The following TANC1 variants were observed in gnomAD, a reference collection of about 807,000 sequenced individuals.
TANC1 encodes protein TANC1.
A neutral mutation model predicts 149.7 loss-of-function variants in TANC1; 77 were observed. The observed-to-expected ratio is 0.51, with a 90% CI of 0.43 to 0.62. The LOEUF (loss-of-function observed/expected upper bound fraction) is 0.62, where lower values mean the gene tolerates loss of function less well. TANC1 is among the 20% of genes least tolerant of loss of function. The pLI, the probability that TANC1 is intolerant of heterozygous loss-of-function variation, is 0.00. For missense variants in TANC1, 1,985 were observed against 2,321.8 expected, an observed-to-expected ratio of 0.85 and a Z score of 2.98; for synonymous variants, 854 against 925.0, an observed-to-expected ratio of 0.92 and a Z score of 1.39.
chr2:158,975,039 A>AC (rs1261035562), intron 1 of TANC1, among the ~76,000 whole-genome samples: 9 of 149,668 alleles, frequency 6.0e-5, no homozygotes, highest in Admixed American at 2.7e-4. Context: ...GCATGAGCCA[A>AC]CCCCCCAGTC....
Position 159,163,914 on chromosome 2 carries a change from C to T in TANC1, c.946+368C>T, listed in dbSNP as rs11898854. ...TTGAGTGAGTTTGTTAATATCAGCTCGAGGATCTTCTTACCAAACTTACAA... is the reference window on the plus strand; with the variant it reads ...TTGAGTGAGTTTGTTAATATCAGCTTGAGGATCTTCTTACCAAACTTACAA... On this transcript the variant is annotated intron_variant, in intron 8 of 26. Transcript: ENST00000263635. Among the ~76,000 whole-genome samples the T allele has an allele frequency of 5.7e-3, 860 of 152,178 alleles. 8 individuals carry two copies. The highest frequency in any genetic ancestry group is 0.02 in the African/African-American group (813 of 41,504).
chr2:159,056,404 C>T (rs1251907219), intron 2 of TANC1: 8 of 153,620 alleles, frequency 5.2e-5, no homozygotes, highest in Non-Finnish European at 1.0e-4. Flanking sequence ...CTCCGCCTCC[C>T]GGGTTCAAGC....
At chr2:159,040,296 A>T (rs528266361) in intron 2 of TANC1, among the ~76,000 whole-genome samples, 166 of 152,122 alleles carry the variant, frequency 1.1e-3, no homozygotes, top group African/African-American at 3.5e-3. Context: ...CTGAATTTGA[A>T]TGTTGGCGTG....
chr2:159,026,539 A>G (rs529672952), intron 2 of TANC1, among the ~76,000 whole-genome samples: 1 of 152,310 alleles, frequency 6.6e-6, no homozygotes, highest in Non-Finnish European at 1.5e-5. Context: ...AGCAATTTAT[A>G]AAGAAAATTT....
chr2:158,997,326 G>C (rs1376777179), intron 1 of TANC1, among the ~76,000 whole-genome samples: 1 of 152,204 alleles, frequency 6.6e-6, no homozygotes, highest in Non-Finnish European at 1.5e-5. Flanking sequence ...AGGAAAGCTA[G>C]AACGAACCTT....
At chr2:159,178,509 A>G in intron 13 of TANC1, 47 bp from the exon 14 acceptor site, 1 of 1,509,962 alleles carries the variant, frequency 6.6e-7, no homozygotes, top group Non-Finnish European at 8.8e-7. Flanking sequence ...AAAATAAAAA[A>G]GGAATCTCTT....
chr2:159,031,509 G>A (rs1439104247), intron 2 of TANC1, among the ~76,000 whole-genome samples: 1 of 152,180 alleles, frequency 6.6e-6, no homozygotes, highest in Non-Finnish European at 1.5e-5. Context: ...GGAAGTGGAT[G>A]TAGTTTTAAA....
At chr2:159,218,729 T>C (rs747011227) in intron 20 of TANC1, among the ~76,000 whole-genome samples, 5 of 152,222 alleles carry the variant, frequency 3.3e-5, no homozygotes, top group Non-Finnish European at 5.9e-5. Flanking sequence ...TTGCTAAAAG[T>C]TGCCTTCCCC....
intron 21 of TANC1, 37 bp from the exon 22 acceptor site, chr2:159,219,654 CA>C: frequency 6.2e-7 from 1 of 1,612,908 alleles, no homozygotes; most frequent in South Asian, 1.1e-5. Context: ...TTTGTCATCT[CA>C]TAATGTTCAT....
intron 2 of TANC1, among the ~76,000 whole-genome samples, chr2:159,025,350 C>G (rs2039247472): frequency 6.6e-6 from 1 of 151,662 alleles, no homozygotes; most frequent in South Asian, 2.1e-4. Context: ...CTAAGCAATA[C>G]AATGTTGTTA....
intron 5 of TANC1, among the ~76,000 whole-genome samples, chr2:159,136,788 CA>C (rs34488237): frequency 0.19 from 22,356 of 118,768 alleles, 1,078 homozygotes; most frequent in Middle Eastern, 0.24. Context: ...GAAGTAGGAG[CA>C]AAAAAAAAAA....
At position 159,149,235 on chromosome 2, in the gene TANC1, C is replaced by CCA; in HGVS notation, c.465_466dup (p.Ile156ThrfsTer2). ...TTACTGGGAGAAGGGATCCCAAGTG[C>CCA]CACACACATAACCATTGAAGACAAA... On this transcript the variant is annotated frameshift_variant, in exon 6 of 27. Coordinates refer to ENST00000263635, the MANE Select transcript of TANC1 (RefSeq NM_033394.3). LOFTEE classifies it high-confidence loss of function. 1 of 1,614,138 alleles carries CCA rather than the reference C, an allele frequency of 6.2e-7. No individual in the cohort carries two copies.
chr2:159,139,929 A>G (rs371356597), intron 5 of TANC1, among the ~76,000 whole-genome samples: 1 of 152,156 alleles, frequency 6.6e-6, no homozygotes, highest in Non-Finnish European at 1.5e-5. Flanking sequence ...AAAGAGGTAT[A>G]AAGCATAAAG....
In TANC1 at chr2:159,219,162, T is replaced by G. The variant is rs2059531532; in HGVS notation, c.3379-76T>G. On this transcript the variant is annotated intron_variant, in intron 20 of 26. Coordinates refer to ENST00000263635, the MANE Select transcript of TANC1 (RefSeq NM_033394.3). ...AAGTCATTTGACTATTTTTAAAGGT[T>G]GAGAAACCTGCCTGGGTATAGCAGG... 2.5e-6 allele frequency: 4 copies of G among 1,583,860 alleles called. No individual in the cohort carries two copies. The African/African-American group carries it at 5.4e-5, about 21-fold the overall frequency.
intron 1 of TANC1, among the ~76,000 whole-genome samples, chr2:158,990,392 G>A (rs2035497339): frequency 6.6e-6 from 1 of 152,198 alleles, no homozygotes; most frequent in South Asian, 2.1e-4. Context: ...ATAAGATGTG[G>A]TTTCTATCCT....
chr2:159,211,611 G>T (rs2058985828), intron 19 of TANC1, among the ~76,000 whole-genome samples: 1 of 152,166 alleles, frequency 6.6e-6, no homozygotes, highest in African/African-American at 2.4e-5. Flanking sequence ...TAAGCATGTG[G>T]GTGGCTATTC....
rs760361990 is a variant in TANC1, at chr2:159,178,636, C to T, written c.1983C>T (p.His661=). 1.9e-5 allele frequency: 31 copies of T among 1,614,054 alleles called. No homozygotes were observed. Among genetic ancestry groups the T allele is most frequent in the Middle Eastern group, 1.7e-4 (1 of 6,060 alleles). Reference sequence around the variant, plus strand: ...ACAAAGACATCCACAGTGACCTGCACGCCTACGTCCAGCACAGGGTGCACA... The same window carrying T: ...ACAAAGACATCCACAGTGACCTGCATGCCTACGTCCAGCACAGGGTGCACA... ...PDNKDIHSDL[H]AYVQHRVHSS... The change falls in exon 14 of 27, where the codon CAC becomes CAT. Residue 661 remains histidine (H), a synonymous_variant. Coordinates refer to ENST00000263635, the MANE Select transcript of TANC1 (RefSeq NM_033394.3).
intron 2 of TANC1, among the ~76,000 whole-genome samples, chr2:159,024,980 A>T (rs1464509666): frequency 6.6e-6 from 1 of 152,140 alleles, no homozygotes. Flanking sequence ...TCGCACAGCA[A>T]TGCTGATGCT....
chr2:159,023,335 C>T (rs769289348), intron 2 of TANC1, among the ~76,000 whole-genome samples: 4 of 151,816 alleles, frequency 2.6e-5, no homozygotes, highest in Non-Finnish European at 4.4e-5. Context: ...ATGGGTAACC[C>T]ATGGCCTTTT....
Sources: gnomAD v4.1 joint callset for allele counts (sites outside exome capture counted in the v4.1 genomes callset) on GRCh38, gnomAD v4.1.1 for gene constraint, MANE v1.5 for transcripts, NCBI Gene and HGNC (gene_info 2026-07-23, HGNC 2026-07-21) for gene names.